The following OPA1 variants were observed in gnomAD, a reference collection of about 807,000 sequenced individuals.
The protein encoded by OPA1 is OPA1 mitochondrial dynamin like GTPase.
Under a neutral mutation model 152.9 loss-of-function variants are expected in OPA1, and 59 were observed. The observed-to-expected ratio is 0.39, with a 90% CI of 0.31 to 0.48. OPA1 has a LOEUF of 0.48. Ranked by LOEUF, OPA1 falls within the 20% of genes least tolerant of loss-of-function variation. OPA1 has a pLI of 0.96. For missense variants in OPA1, 1,008 were observed against 1,216.8 expected, an observed-to-expected ratio of 0.83 and a Z score of 2.55; for synonymous variants, 400 against 389.9, an observed-to-expected ratio of 1.03 and a Z score of -0.31.
intron 6 of OPA1, among the ~76,000 whole-genome samples, chr3:193,620,945 A>T (rs1729943284): frequency 6.6e-6 from 1 of 152,128 alleles, no homozygotes; most frequent in Non-Finnish European, 1.5e-5. Context: ...TTTTGAAATC[A>T]CTCTGACATC....
intron 13 of OPA1, 73 bp from the exon 14 acceptor site, chr3:193,643,300 T>C: frequency 2.4e-6 from 3 of 1,256,294 alleles, no homozygotes; most frequent in Non-Finnish European, 3.5e-6. Flanking sequence ...TTAGAATACA[T>C]TTCACCAAAA....
intron 21 of OPA1, among the ~76,000 whole-genome samples, chr3:193,652,939 G>A (rs1236677945): frequency 6.6e-6 from 1 of 152,138 alleles, no homozygotes; most frequent in Non-Finnish European, 1.5e-5. Context: ...CAGGGATATG[G>A]ATTCCTGGCC....
chr3:193,637,046 G>A (rs1012513263), intron 9 of OPA1, 149 bp from the exon 10 acceptor site: 27 of 493,764 alleles, frequency 5.5e-5, no homozygotes, highest in Admixed American at 1.4e-4. Context: ...TAGTTTTTAC[G>A]ATGAAGATGT....
rs761286590 is a variant in OPA1, at chr3:193,659,477, T to TC, written c.2441-4dup. 645 of 1,604,050 alleles carry TC rather than the reference T, an allele frequency of 4.0e-4. No individual in the cohort carries two copies. The highest frequency in any genetic ancestry group is 5.3e-4 in the Non-Finnish European group (620 of 1,173,936). On this transcript the variant is annotated splice_region_variant and splice_polypyrimidine_tract_variant and intron_variant, in intron 24 of 30. Coordinates refer to ENST00000361510, the MANE Select transcript of OPA1 (RefSeq NM_130837.3). Reference sequence around the variant, plus strand: ...AATTCTTGATTAATTAATTTTTTTTTCTAGCTGAAAATGCAATTGAAAACA... The same window carrying TC: ...AATTCTTGATTAATTAATTTTTTTTTCCTAGCTGAAAATGCAATTGAAAACA...
chr3:193,693,247 G>A (rs911197512), intron 30 of OPA1, among the ~76,000 whole-genome samples: 2 of 152,212 alleles, frequency 1.3e-5, no homozygotes, highest in African/African-American at 4.8e-5. Flanking sequence ...AACTTCCATG[G>A]TACATCATTC....
rs139595162 is a variant in OPA1, at chr3:193,676,293, T to A, written c.2983+9013T>A. Among the ~76,000 whole-genome samples, 554 of 152,312 alleles carry A rather than the reference T, an allele frequency of 3.6e-3. 3 individuals carry two copies. The highest frequency in any genetic ancestry group is 0.017 in the South Asian group (83 of 4,828). On this transcript the variant is annotated intron_variant, in intron 29 of 30. Coordinates refer to ENST00000361510, the MANE Select transcript of OPA1 (RefSeq NM_130837.3). Reference sequence around the variant, plus strand: ...TAATGTATTTGTTTTATGGTAGCAATACTTGAACTCTTTAAGGCATCTTTT... The same window carrying A: ...TAATGTATTTGTTTTATGGTAGCAAAACTTGAACTCTTTAAGGCATCTTTT...
At chr3:193,630,338 ATTTAGGCATACGCTTT>A (rs1731881007) in intron 7 of OPA1, among the ~76,000 whole-genome samples, 1 of 152,176 alleles carries the variant, frequency 6.6e-6, no homozygotes, top group African/African-American at 2.4e-5. Flanking sequence ...TTTTGGAGCT[ATTTAGGCATACGCTTT>A]TAAGGAAAAA....
chr3:193,603,724 T>C (rs765334034), intron 1 of OPA1, among the ~76,000 whole-genome samples: 5 of 152,256 alleles, frequency 3.3e-5, no homozygotes, highest in Non-Finnish European at 5.9e-5. Flanking sequence ...AGTTCGCTTC[T>C]CTATTAACTC....
chr3:193,678,364 T>C (rs545920209), intron 29 of OPA1, among the ~76,000 whole-genome samples: 146 of 152,268 alleles, frequency 9.6e-4, no homozygotes, highest in African/African-American at 3.3e-3. Flanking sequence ...TGTATATGCA[T>C]TGTGGGAAAT....
At chr3:193,602,911 T>C (rs1455427258) in intron 1 of OPA1, among the ~76,000 whole-genome samples, 1 of 152,232 alleles carries the variant, frequency 6.6e-6, no homozygotes, top group Non-Finnish European at 1.5e-5. Context: ...GGAAGGCCTT[T>C]ATCCAACCAG....
chr3:193,667,176 G>C lies in OPA1; in HGVS notation c.2879G>C (p.Arg960Pro). Residue 960 changes from arginine to proline, a missense_variant, in exon 29 of 31, where the codon CGA becomes CCA. Physicochemically the swap from Arg to Pro is moderately radical, Grantham distance 103 (BLOSUM62 -2). This residue lies in a region of OPA1 where 137 missense variants were observed against 171.0 expected (regional missense o/e 0.80). Transcript: ENST00000361510. ...TTTAACTTTCTTTAAACAGTTAGGC[G>C]ATTAGAGAAAAATGTTAAAGAGGTA... ...RQQLTNTEVR[R>P]LEKNVKEVLE... The C allele has an allele frequency of 6.5e-7, 1 of 1,529,124 alleles. No individual in the cohort carries two copies. Among genetic ancestry groups the C allele is most frequent in the South Asian group, 1.1e-5 (1 of 89,398 alleles). The allele number at this position is 1,529,124 out of a possible 1,614,324, so 94.7% of individuals were successfully genotyped here. A position where few individuals can be genotyped will look rare whatever the true frequency, so the allele number is the denominator to read the frequency against.
intron 25 of OPA1, among the ~76,000 whole-genome samples, chr3:193,661,756 A>T (rs1189184047): frequency 2.6e-5 from 4 of 152,180 alleles, no homozygotes; most frequent in Non-Finnish European, 5.9e-5. Flanking sequence ...GTGACAGTCA[A>T]ATGATGGGTA....
rs939950111 is a variant in OPA1, at chr3:193,655,086, T to C, written c.2178+59T>C. On this transcript the variant is annotated intron_variant, in intron 22 of 30. Coordinates refer to ENST00000361510, the MANE Select transcript of OPA1 (RefSeq NM_130837.3). ...CATTATCTGAAGGGAGTAGGAGCTG[T>C]GAATTTTAGATTTTATTCCCATCAC... The C allele has an allele frequency of 2.0e-6, 3 of 1,508,042 alleles. No individual in the cohort carries two copies. In the African/African-American group the frequency reaches 4.1e-5, roughly 21 times the overall value. The allele number at this position is 1,508,042 out of a possible 1,614,324, so 93.4% of individuals were successfully genotyped here.
chr3:193,689,940 T>C (rs1169643132), intron 29 of OPA1, among the ~76,000 whole-genome samples: 1 of 151,978 alleles, frequency 6.6e-6, no homozygotes, highest in Non-Finnish European at 1.5e-5. Flanking sequence ...TTAGAAAATG[T>C]CTTTCTCCTA....
rs863224906 is a variant in OPA1, at chr3:193,657,197, C to T, written c.2296C>T (p.Arg766Ter). Residue 766 changes from arginine to a stop codon, truncating the protein, a stop_gained, in exon 23 of 31, where the codon CGA becomes TGA. Transcript: ENST00000361510. LOFTEE classifies it high-confidence loss of function. ...KEAVKEESIKRHKWNDFAEDS... is the reference protein window; with the variant it reads ...KEAVKEESIK Reference sequence around the variant, plus strand: ...GGCTGTTAAGGAAGAAAGTATTAAACGACACAAGTGGAATGACTTTGCGGA... The same window carrying T: ...GGCTGTTAAGGAAGAAAGTATTAAATGACACAAGTGGAATGACTTTGCGGA... 2 of 1,613,874 alleles carry T rather than the reference C, an allele frequency of 1.2e-6. No homozygotes were observed. Among genetic ancestry groups the T allele is most frequent in the Non-Finnish European group, 1.7e-6 (2 of 1,179,884 alleles).
intron 1 of OPA1, among the ~76,000 whole-genome samples, chr3:193,611,102 A>G (rs1728165590): frequency 6.6e-6 from 1 of 152,216 alleles, no homozygotes; most frequent in South Asian, 2.1e-4. Flanking sequence ...TTGGAAATGC[A>G]GAAATCACCC....
intron 16 of OPA1, among the ~76,000 whole-genome samples, chr3:193,645,089 G>A (rs1438762239): frequency 2.6e-5 from 4 of 151,986 alleles, no homozygotes; most frequent in Non-Finnish European, 5.9e-5. Flanking sequence ...GGTGGGAGGG[G>A]AGGAAGGAGT....
Position 193,593,302 on chromosome 3 carries a change from C to A in OPA1, c.-76C>A. ...GCCACTTCCTGGGTCATTCCTGGACCGGGAGCCGGGCTGGGGCTCACACGG... is the reference window on the plus strand; with the variant it reads ...GCCACTTCCTGGGTCATTCCTGGACAGGGAGCCGGGCTGGGGCTCACACGG... On this transcript the variant is annotated 5_prime_UTR_variant, in exon 1 of 31. Coordinates refer to ENST00000361510, the MANE Select transcript of OPA1 (RefSeq NM_130837.3). 1 of 1,466,504 alleles carries A rather than the reference C, an allele frequency of 6.8e-7. No homozygotes were observed. The allele number at this position is 1,466,504 out of a possible 1,614,324, so 90.8% of individuals were successfully genotyped here. A position where few individuals can be genotyped will look rare whatever the true frequency, so the allele number is the denominator to read the frequency against.
At chr3:193,638,787 G>A (rs770822248) in intron 11 of OPA1, among the ~76,000 whole-genome samples, 21 of 152,116 alleles carry the variant, frequency 1.4e-4, no homozygotes, top group African/African-American at 4.3e-4. Flanking sequence ...GTAAATGGAC[G>A]TACCGCTACT....
Sources: allele counts gnomAD v4.1 joint callset (sites outside exome capture counted in the v4.1 genomes callset), GRCh38; gene constraint gnomAD v4.1.1; regional missense constraint gnomAD v4.1.1; transcripts MANE v1.5; gene names NCBI Gene and HGNC (gene_info 2026-07-23, HGNC 2026-07-21).